The following TRERF1 variants were observed in gnomAD, a reference collection of about 807,000 sequenced individuals.
The protein encoded by TRERF1 is transcriptional regulating factor 1, also known as transcriptional-regulating factor 1.
A neutral mutation model predicts 122.9 loss-of-function variants in TRERF1; 27 were observed. The observed-to-expected ratio is 0.22, with a 90% CI of 0.16 to 0.30. The LOEUF is 0.30. TRERF1 is among the 10% of genes least tolerant of loss of function. The pLI is 1.00. For missense variants in TRERF1, 1,248 were observed against 1,560.3 expected, an observed-to-expected ratio of 0.80 and a Z score of 3.37; for synonymous variants, 636 against 641.7, an observed-to-expected ratio of 0.99 and a Z score of 0.13.
At chr6:42,401,344 A>G (rs1420641669) in intron 2 of TRERF1, among the ~76,000 whole-genome samples, 1 of 152,204 alleles carries the variant, frequency 6.6e-6, no homozygotes, top group Non-Finnish European at 1.5e-5. Context: ...GAAAAGATTC[A>G]CAACACTTCT....
At chr6:42,410,268 C>T (rs1780922108) in intron 2 of TRERF1, among the ~76,000 whole-genome samples, 1 of 152,004 alleles carries the variant, frequency 6.6e-6, no homozygotes, top group Non-Finnish European at 1.5e-5. Context: ...GCGATTCCTC[C>T]CAAATAGCTG....
At chr6:42,408,259 G>GTGTGTGTATGTATATATACATACACA (rs1457910051) in intron 2 of TRERF1, among the ~76,000 whole-genome samples, 5 of 126,020 alleles carry the variant, frequency 4.0e-5, no homozygotes, top group Admixed American at 2.4e-4. Context: ...ACATACACAT[G>GTGTGTGTATGTATATATACATACACA]TGTGTGTATG....
At chr6:42,408,210 A>ATATATATATATAT (rs1780474103) in intron 2 of TRERF1, among the ~76,000 whole-genome samples, 2 of 107,142 alleles carry the variant, frequency 1.9e-5, no homozygotes, top group Non-Finnish European at 3.7e-5. Context: ...TATATAAATA[A>ATATATATATATAT]ATATATATAT....
chr6:42,396,675 G>A (rs936217006), intron 2 of TRERF1, among the ~76,000 whole-genome samples: 1 of 152,068 alleles, frequency 6.6e-6, no homozygotes, highest in East Asian at 1.9e-4. Flanking sequence ...CAACCTCTTC[G>A]AGATTTCTTG....
intron 2 of TRERF1, among the ~76,000 whole-genome samples, chr6:42,379,351 G>A (rs1775495763): frequency 6.6e-6 from 1 of 151,990 alleles, no homozygotes. Context: ...CACCACCCCA[G>A]CCCACTGTGT....
At chr6:42,284,756 G>GT (rs1782889484) in intron 4 of TRERF1, among the ~76,000 whole-genome samples, 1 of 152,166 alleles carries the variant, frequency 6.6e-6, no homozygotes. Context: ...CCACCTGCGT[G>GT]TGAGTGTGAC....
chr6:42,418,267 T>TC, intron 2 of TRERF1, among the ~76,000 whole-genome samples: 1 of 8,798 alleles, frequency 1.1e-4, no homozygotes, highest in East Asian at 3.5e-3. Context: ...TCTTTCTTTC[T>TC]TTTTTTTTTT....
At chr6:42,351,624 T>C (rs150544076) in intron 3 of TRERF1, among the ~76,000 whole-genome samples, 84 of 152,330 alleles carry the variant, frequency 5.5e-4, no homozygotes, top group African/African-American at 1.9e-3. Context: ...CAAATATTTA[T>C]GCTTCTCTTT....
At chr6:42,444,639 G>A (rs1787148802) in intron 2 of TRERF1, among the ~76,000 whole-genome samples, 1 of 151,932 alleles carries the variant, frequency 6.6e-6, no homozygotes, top group Admixed American at 6.6e-5. Context: ...CCCTTACAAA[G>A]GCCAGATCTT....
chr6:42,268,960 C>T lies in TRERF1; in HGVS notation c.631G>A (p.Gly211Ser), dbSNP rs147138647. The T allele has an allele frequency of 4.3e-6, 7 of 1,611,552 alleles. No homozygotes were observed. Among genetic ancestry groups the T allele is most frequent in the Non-Finnish European group, 5.9e-6 (7 of 1,178,246 alleles). Residue 211 changes from glycine to serine, a missense_variant, in exon 5 of 18, where the codon GGT becomes AGT. Gly to Ser is a moderately conservative substitution (Grantham distance 56). Transcript: ENST00000372922. This position sits in a 1 kb window ranked among gnomAD's most constrained non-coding sequence, Gnocchi z 4.4. ...GGTTTGGACAGCCCACCAGTGAAAC[C>T]AGGGTGAGGCTGCTGGGGCACCTGC... is the stretch of plus-strand genomic sequence containing the variant.
chr6:42,414,072 A>G (rs1342039259), intron 2 of TRERF1, among the ~76,000 whole-genome samples: 2 of 152,226 alleles, frequency 1.3e-5, no homozygotes, highest in African/African-American at 2.4e-5. Flanking sequence ...ATCTTCAGAT[A>G]ATAACTTTGA....
chr6:42,295,289 A>G (rs1481117773), intron 4 of TRERF1, among the ~76,000 whole-genome samples: 4 of 152,226 alleles, frequency 2.6e-5, no homozygotes, highest in Admixed American at 1.3e-4. Flanking sequence ...GTTTTACAGA[A>G]GTGAGGTGGT....
At chr6:42,401,059 C>T (rs894160067) in intron 2 of TRERF1, among the ~76,000 whole-genome samples, 4 of 152,198 alleles carry the variant, frequency 2.6e-5, no homozygotes, top group South Asian at 2.1e-4. Context: ...CAGAAAAGCA[C>T]GGCCCTGTCA....
rs1777402961 is a variant in TRERF1, at chr6:42,259,466, C to T, written c.2142G>A (p.Leu714=). The T allele has an allele frequency of 2.5e-6, 4 of 1,607,310 alleles. No individual in the cohort carries two copies. Among genetic ancestry groups the T allele is most frequent in the Admixed American group, 1.7e-5 (1 of 59,780 alleles). The stretch of plus-strand genomic sequence containing the variant: ...GCCCCGAGCCCTGGCGCACCGGGCT[C>T]AGCATGGGTGGGGGCGTGTAAGGGG... The change falls in exon 9 of 18, where the codon CTG becomes CTA. Residue 714 remains leucine, a synonymous_variant. Coordinates refer to ENST00000372922, the Ensembl canonical transcript of TRERF1. The surrounding 1 kb of genome is among the most constrained non-coding windows in gnomAD (Gnocchi z 4.9).
intron 2 of TRERF1, among the ~76,000 whole-genome samples, chr6:42,415,497 C>T (rs1460041615): frequency 1.3e-5 from 2 of 152,032 alleles, no homozygotes; most frequent in African/African-American, 2.4e-5. Flanking sequence ...ATGGCTTTTA[C>T]GCTTTCATTC....
intron 2 of TRERF1, among the ~76,000 whole-genome samples, chr6:42,386,401 C>T (rs774378467): frequency 6.6e-6 from 1 of 152,096 alleles, no homozygotes; most frequent in Non-Finnish European, 1.5e-5. Context: ...CGAGATCACG[C>T]CATTGCATTC....
rs1364719669 is a variant in TRERF1, at chr6:42,259,658, C to T, written c.1950G>A (p.Glu650=). 1 of 1,611,616 alleles carries T rather than the reference C, an allele frequency of 6.2e-7. No homozygotes were observed. Among genetic ancestry groups the T allele is most frequent in the Admixed American group, 1.7e-5 (1 of 60,024 alleles). ...CCGGCCGGTGCCGGAACTTTTTCTTCTCCTGCACGGTCTTGAGGGGCTCCT... is the reference window on the plus strand; with the variant it reads ...CCGGCCGGTGCCGGAACTTTTTCTTTTCCTGCACGGTCTTGAGGGGCTCCT... Residue 650 remains glutamate, a synonymous_variant, in exon 9 of 18, where the codon GAG becomes GAA. Transcript: ENST00000372922. The surrounding 1 kb of genome is among the most constrained non-coding windows in gnomAD (Gnocchi z 4.9).
intron 3 of TRERF1, among the ~76,000 whole-genome samples, chr6:42,359,245 T>C (rs1277450564): frequency 3.3e-5 from 5 of 152,220 alleles, no homozygotes; most frequent in Non-Finnish European, 7.3e-5. Context: ...TGATTCATCA[T>C]ATTGTCAGCT....
intron 4 of TRERF1, among the ~76,000 whole-genome samples, chr6:42,300,310 C>T (rs912319977): frequency 2.0e-5 from 3 of 152,152 alleles, no homozygotes; most frequent in Admixed American, 2.0e-4. Context: ...CCCATTCTAT[C>T]CTGTCTCAGA....
Sources: allele counts gnomAD v4.1 joint callset (sites outside exome capture counted in the v4.1 genomes callset), GRCh38; gene constraint gnomAD v4.1.1; non-coding constraint Gnocchi (gnomAD v3.1); transcripts MANE v1.5; gene names NCBI Gene and HGNC (gene_info 2026-07-23, HGNC 2026-07-21).